Variants in C2CD3 observed in about 807,000 individuals in gnomAD.
C2CD3 encodes C2 domain containing 3 centriole elongation regulator.
In C2CD3, 148 loss-of-function variants were observed where a neutral mutation model predicts 234.0. That is an observed-to-expected ratio of 0.63 (90% CI 0.55 to 0.72). The LOEUF (loss-of-function observed/expected upper bound fraction) is 0.72, where lower values mean the gene tolerates loss of function less well. Ranked by LOEUF, C2CD3 falls within the 30% of genes least tolerant of loss-of-function variation. C2CD3 has a pLI of 0.00. For synonymous variants in C2CD3, 1,000 were observed against 1,035.4 expected (o/e 0.97, Z 0.66); for missense variants, 2,577 against 2,811.5 (o/e 0.92, Z 1.89).
rs1251303535 is a variant in C2CD3 at position 74,037,640 on chromosome 11, G to A, written c.5719C>T (p.Pro1907Ser). ...GTCTGAGGGCTGAGGGGTAGGAAAG[G>A]CTTGGTGAGCTTCTGGCGGAAGTAC... ...QRYFRQKLTKPFLPLSPQTQT... is the reference protein window; with the variant it reads ...QRYFRQKLTKSFLPLSPQTQT... The change falls in exon 30 of 33, where the codon CCT becomes TCT. Residue 1907 changes from proline (P) to serine (S), a missense_variant. Transcript: ENST00000334126. 6.2e-6 allele frequency: 10 copies of A among 1,614,136 alleles called. No homozygotes were observed. Among genetic ancestry groups the A allele is most frequent in the Non-Finnish European group, 8.5e-6 (10 of 1,180,022 alleles).
chr11:74,089,067 G>T (rs116075116), intron 20 of C2CD3, among the ~76,000 whole-genome samples: 3,297 of 152,174 alleles, frequency 0.022, 66 homozygotes, highest in African/African-American at 0.047. Context: ...ATTTATACAT[G>T]AGTAAATATG....
At chr11:74,034,386 C>T in intron 30 of C2CD3, 108 bp from the exon 31 acceptor site, 3 of 1,488,428 alleles carry the variant, frequency 2.0e-6, no homozygotes, top group Non-Finnish European at 2.7e-6. Context: ...AGACTCTGAA[C>T]AAACCATAAA....
intron 9 of C2CD3, among the ~76,000 whole-genome samples, chr11:74,117,013 C>CATATATACGTGTATATGTGT (rs1440520955): frequency 1.1e-4 from 12 of 110,126 alleles, no homozygotes; most frequent in Admixed American, 6.5e-4. Flanking sequence ...TATATATACA[C>CATATATACGTGTATATGTGT]ATATATACGT....
intron 9 of C2CD3, among the ~76,000 whole-genome samples, chr11:74,117,117 TATATATATATGAATATATATATATGA>T (rs1957026855): frequency 1.9e-4 from 2 of 10,374 alleles, no homozygotes; most frequent in East Asian, 2.0e-3. Flanking sequence ...TATATATGAA[TATATATATATGAATATATATATATGA>T]ATATATATAT....
intron 16 of C2CD3, 48 bp from the exon 17 acceptor site, chr11:74,095,456 T>G: frequency 6.9e-7 from 1 of 1,453,752 alleles, no homozygotes; most frequent in Non-Finnish European, 9.5e-7. Flanking sequence ...AGTAACTTGC[T>G]TAGAATATTT....
intron 28 of C2CD3, among the ~76,000 whole-genome samples, chr11:74,043,939 TCAG>T: frequency 6.6e-6 from 1 of 152,046 alleles, no homozygotes; most frequent in East Asian, 1.9e-4. Context: ...TCTTCCCACC[TCAG>T]CCTCCTAAGT....
chr11:74,086,396 A>G (rs1955644569), intron 20 of C2CD3, among the ~76,000 whole-genome samples: 1 of 152,226 alleles, frequency 6.6e-6, no homozygotes, highest in South Asian at 2.1e-4. Flanking sequence ...AGCTAAAGCT[A>G]TAACTGGTGA....
chr11:74,156,136 T>C (rs1856000741), intron 3 of C2CD3, among the ~76,000 whole-genome samples: 1 of 152,032 alleles, frequency 6.6e-6, no homozygotes, highest in Admixed American at 6.6e-5. Flanking sequence ...TAGCTGGGCA[T>C]GGTGGTGCAC....
Position 74,114,379 on chromosome 11 carries a change from C to A in C2CD3, c.1730+5G>T. ...AAATTTAGCTTTCTCATGTTAGAGA[C>A]ATACCGCTTTTTTGCTGTAGTCACC... is the stretch of plus-strand genomic sequence containing the variant. On this transcript the variant is annotated splice_donor_5th_base_variant and intron_variant, in intron 10 of 32. Transcript: ENST00000334126. 6.2e-7 allele frequency: 1 copy of A among 1,609,542 alleles called. No homozygotes were observed. The highest frequency in any genetic ancestry group is 1.3e-5 in the African/African-American group (1 of 74,932).
chr11:74,168,724 T>C, intron 1 of C2CD3, 111 bp from the exon 2 acceptor site: 2 of 941,748 alleles, frequency 2.1e-6, no homozygotes, highest in Non-Finnish European at 3.2e-6. Flanking sequence ...AGTTCAGCAA[T>C]TTATCACCAC....
chr11:74,117,044 GTGTGTATATATATATGAA>G (rs1956995899), intron 9 of C2CD3, among the ~76,000 whole-genome samples: 1 of 48,874 alleles, frequency 2.0e-5, no homozygotes, highest in African/African-American at 6.7e-5. Flanking sequence ...ATATACGTGT[GTGTGTATATATATATGAA>G]TATATATATA....
intron 13 of C2CD3, among the ~76,000 whole-genome samples, chr11:74,105,600 T>C (rs1244143894): frequency 6.6e-6 from 1 of 152,144 alleles, no homozygotes; most frequent in African/African-American, 2.4e-5. Flanking sequence ...GACAAAGCTA[T>C]ACTGAAGCCA....
Position 74,093,851 on chromosome 11 carries a change from C to A in C2CD3, c.3309G>T (p.Val1103=). 6.2e-7 allele frequency: 1 copy of A among 1,614,024 alleles called. No homozygotes were observed. The highest frequency in any genetic ancestry group is 1.7e-5 in the Admixed American group (1 of 60,000). Residue 1103 remains valine (V), a synonymous_variant, in exon 18 of 33, where the codon GTG becomes GTT. Transcript: ENST00000334126. The part of the protein sequence containing the change: ...LLSAFSAQGL[V]PGGGVQFEIW... ...TTTCAAACTGGACTCCACCTCCAGG[C>A]ACGAGGCCCTGTGCAGAGAAAGCAC...
intron 22 of C2CD3, 36 bp downstream of exon 22, chr11:74,084,845 G>A (rs1379602522): frequency 1.6e-6 from 2 of 1,223,804 alleles, no homozygotes; most frequent in East Asian, 2.3e-5. Context: ...GAAAGGGAAA[G>A]GGTGGCATCA....
At chr11:74,153,614 C>A (rs1055266798) in intron 3 of C2CD3, among the ~76,000 whole-genome samples, 9 of 152,158 alleles carry the variant, frequency 5.9e-5, no homozygotes, top group Non-Finnish European at 7.4e-5. Context: ...GAACTTAATT[C>A]TCTGAATTTT....
intron 3 of C2CD3, among the ~76,000 whole-genome samples, chr11:74,158,703 C>A (rs368990661): frequency 1.4e-5 from 2 of 143,536 alleles, no homozygotes; most frequent in East Asian, 4.1e-4. Context: ...ACCTGTACAA[C>A]AAGAGCAAAA....
At position 74,118,341 on chromosome 11, in the gene C2CD3, A is replaced by G; in HGVS notation, c.1407T>C (p.Asp469=). ...TSISDFLSEE[D]DIVPSKKISQ... The stretch of plus-strand genomic sequence containing the variant: ...TTATTTTTTTAGAAGGGACGATATC[A>G]TCCTCTTCACTGAGGAAATCACTGA... Residue 469 remains aspartate, a synonymous_variant, in exon 9 of 33, where the codon GAT becomes GAC. Transcript: ENST00000334126. The G allele has an allele frequency of 1.2e-6, 2 of 1,612,814 alleles. No homozygotes were observed. The highest frequency in any genetic ancestry group is 1.3e-5 in the African/African-American group (1 of 75,014).
intron 8 of C2CD3, 35 bp downstream of exon 8, chr11:74,122,953 C>T (rs1957269204): frequency 1.3e-6 from 2 of 1,569,778 alleles, no homozygotes; most frequent in South Asian, 2.2e-5. Context: ...TACATTTGTT[C>T]TCTAATTCTC....
intron 32 of C2CD3, among the ~76,000 whole-genome samples, chr11:74,019,522 G>A (rs554238654): frequency 2.6e-5 from 4 of 152,204 alleles, no homozygotes; most frequent in Non-Finnish European, 4.4e-5. Context: ...CAGCTCAGCC[G>A]TCAGGCCTGG....
Sources: gnomAD v4.1 joint callset for allele counts (sites outside exome capture counted in the v4.1 genomes callset) on GRCh38, gnomAD v4.1.1 for gene constraint, MANE v1.5 for transcripts, NCBI Gene and HGNC (gene_info 2026-07-23, HGNC 2026-07-21) for gene names.